Variants in CD226 observed in about 807,000 individuals in gnomAD.
CD226 encodes CD226 antigen.
CD226 carries 24 observed loss-of-function variants against 34.9 expected under a neutral mutation model. That is an observed-to-expected ratio of 0.69 (90% CI 0.50 to 0.97). The LOEUF is 0.97. Among genes scored for constraint, CD226 ranks in the 50% least tolerant of loss-of-function variants. The pLI is 0.00. For missense variants in CD226, 397 were observed against 412.7 expected, an observed-to-expected ratio of 0.96 and a Z score of 0.33; for synonymous variants, 148 against 147.4, an observed-to-expected ratio of 1.00 and a Z score of -0.03.
intron 3 of CD226, among the ~76,000 whole-genome samples, chr18:69,874,601 C>T (rs1325780347): frequency 1.3e-5 from 2 of 152,190 alleles, no homozygotes; most frequent in Non-Finnish European, 2.9e-5. Context: ...AATCCTATTG[C>T]AGCCTGAAAA....
chr18:69,854,758 C>T lies in CD226; in HGVS notation c.*9556G>A, dbSNP rs1346550006. The T allele has an allele frequency of 1.3e-5, 2 of 152,474 alleles. No individual in the cohort carries two copies. Among genetic ancestry groups the T allele is most frequent in the East Asian group, 1.9e-4 (1 of 5,184 alleles). 9.4% of individuals were successfully genotyped at this position (152,474 alleles called of 1,614,324 possible). A position where few individuals can be genotyped will look rare whatever the true frequency, so the allele number is the denominator to read the frequency against. ...GGAGAAGCTCTGTGAATGTCCCAGA[C>T]ACAGACCCACTAAAAGACTGAGATT... On this transcript the variant is annotated 3_prime_UTR_variant, in exon 6 of 6. Coordinates refer to ENST00000582621, the MANE Select transcript of CD226 (RefSeq NM_001303618.2).
At chr18:69,908,934 A>G (rs2055289658) in intron 2 of CD226, among the ~76,000 whole-genome samples, 1 of 152,244 alleles carries the variant, frequency 6.6e-6, no homozygotes, top group Non-Finnish European at 1.5e-5. Flanking sequence ...TTTATCCTTC[A>G]AAATTTATCC....
At chr18:69,944,590 C>T (rs1395953429) in intron 2 of CD226, 1 of 152,240 alleles carries the variant, frequency 6.6e-6, no homozygotes, top group East Asian at 1.9e-4. Context: ...ACCAAAACAG[C>T]TAATTTGGAA....
Position 69,947,700 on chromosome 18 carries a change from T to G in CD226, c.-294A>C, listed in dbSNP as rs1033959277. 3.7e-5 allele frequency: 10 copies of G among 273,270 alleles called. No homozygotes were observed. Among genetic ancestry groups the G allele is most frequent in the African/African-American group, 1.1e-4 (5 of 45,392 alleles). 16.9% of individuals were successfully genotyped at this position (273,270 alleles called of 1,614,324 possible). On this transcript the variant is annotated 5_prime_UTR_variant, in exon 1 of 6. Coordinates refer to ENST00000582621, the MANE Select transcript of CD226 (RefSeq NM_001303618.2). ...TTCAACAAACATGTGCTGCATGCAT[T>G]CTCTGTGCCTAACTCAGCTGTAGGC...
intron 4 of CD226, among the ~76,000 whole-genome samples, chr18:69,870,835 A>G (rs1983476440): frequency 6.6e-6 from 1 of 152,178 alleles, no homozygotes; most frequent in Admixed American, 6.5e-5. Context: ...CAGTCAGTAA[A>G]ACGGAGTTCA....
At chr18:69,925,708 C>T (rs938023265) in intron 2 of CD226, among the ~76,000 whole-genome samples, 4 of 152,164 alleles carry the variant, frequency 2.6e-5, no homozygotes, top group Admixed American at 6.5e-5. Flanking sequence ...TTCTGCCCAG[C>T]CTCCTTCACT....
At chr18:69,907,758 T>C (rs1454578982) in intron 2 of CD226, among the ~76,000 whole-genome samples, 1 of 152,154 alleles carries the variant, frequency 6.6e-6, no homozygotes, top group Non-Finnish European at 1.5e-5. Flanking sequence ...ACAGAAGACA[T>C]AGGATTCTTC....
chr18:69,869,786 T>C (rs1276065039), intron 4 of CD226, among the ~76,000 whole-genome samples: 6 of 148,176 alleles, frequency 4.0e-5, no homozygotes, highest in Admixed American at 1.4e-4. Flanking sequence ...GGATGAGAGA[T>C]TTTCTTTTTT....
Position 69,891,597 on chromosome 18 carries a change from C to T in CD226, c.727+4104G>A, listed in dbSNP as rs140379138. The stretch of plus-strand genomic sequence containing the variant: ...TATATGTATAAAACCCTAAAAGTGC[C>T]ACAAAAAAACCTGTTCAAACTAATA... On this transcript the variant is annotated intron_variant, in intron 3 of 5. Transcript: ENST00000582621. Among the ~76,000 whole-genome samples, 1,117 of 151,998 alleles carry T rather than the reference C, an allele frequency of 7.3e-3. 12 individuals carry two copies. Among genetic ancestry groups the T allele is most frequent in the African/African-American group, 0.026 (1,059 of 41,464 alleles).
chr18:69,883,805 A>G (rs1984405034), intron 3 of CD226, among the ~76,000 whole-genome samples: 1 of 152,270 alleles, frequency 6.6e-6, no homozygotes, highest in African/African-American at 2.4e-5. Context: ...TCAGTATTAA[A>G]AGGCAACCAA....
chr18:69,945,914 T>C (rs1401112180), intron 2 of CD226, among the ~76,000 whole-genome samples: 1 of 152,066 alleles, frequency 6.6e-6, no homozygotes, highest in African/African-American at 2.4e-5. Flanking sequence ...GGAACTCCTC[T>C]TTTTTAAACC....
intron 2 of CD226, among the ~76,000 whole-genome samples, chr18:69,910,178 T>C (rs2055306446): frequency 6.6e-6 from 1 of 152,204 alleles, no homozygotes; most frequent in Non-Finnish European, 1.5e-5. Flanking sequence ...AGTAGTTTTC[T>C]AAAGAAGGAG....
Position 69,917,025 on chromosome 18 carries a change from T to A in CD226, c.383-20980A>T, listed in dbSNP as rs573713415. Reference sequence around the variant, plus strand: ...CTTCCTCCTCCTTAATAGCCTTACATCTGCCTACTTCTCTGCTTTCCCACT... The same window carrying A: ...CTTCCTCCTCCTTAATAGCCTTACAACTGCCTACTTCTCTGCTTTCCCACT... On this transcript the variant is annotated intron_variant, in intron 2 of 5. Transcript: ENST00000582621. Among the ~76,000 whole-genome samples the A allele has an allele frequency of 1.1e-3, 170 of 152,262 alleles. 1 individual carries two copies. The highest frequency in any genetic ancestry group is 3.4e-3 in the Middle Eastern group (1 of 294).
chr18:69,917,158 A>T (rs2055396159), intron 2 of CD226, among the ~76,000 whole-genome samples: 1 of 152,200 alleles, frequency 6.6e-6, no homozygotes, highest in Admixed American at 6.5e-5. Flanking sequence ...TGTAAAACAG[A>T]TCTGGCCCTA....
chr18:69,870,447 G>A (rs1433869484), intron 4 of CD226, among the ~76,000 whole-genome samples: 1 of 150,562 alleles, frequency 6.6e-6, no homozygotes, highest in East Asian at 2.0e-4. Flanking sequence ...GCCAATTTTT[G>A]CAGTTTTAGT....
chr18:69,881,705 G>A (rs548094791), intron 3 of CD226, among the ~76,000 whole-genome samples: 11 of 152,050 alleles, frequency 7.2e-5, no homozygotes, highest in Admixed American at 3.9e-4. Context: ...TGAAGTAGTC[G>A]TGTACAGCAG....
At position 69,933,125 on chromosome 18, in the gene CD226, G is replaced by A. The variant is rs188222501; in HGVS notation, c.382+13609C>T. On this transcript the variant is annotated intron_variant, in intron 2 of 5. Coordinates refer to ENST00000582621, the MANE Select transcript of CD226 (RefSeq NM_001303618.2). ...GCCTCCCACTTTCTTGCCTGTTTTCGTGTCTCCTATCTGCCTGCTTTTGTG... is the reference window on the plus strand; with the variant it reads ...GCCTCCCACTTTCTTGCCTGTTTTCATGTCTCCTATCTGCCTGCTTTTGTG... Among the ~76,000 whole-genome samples, 802 of 152,160 alleles carry A rather than the reference G, an allele frequency of 5.3e-3. 7 individuals are homozygous for A. The highest frequency in any genetic ancestry group is 9.2e-3 in the Non-Finnish European group (623 of 68,010).
intron 2 of CD226, among the ~76,000 whole-genome samples, chr18:69,901,146 C>T (rs1027647101): frequency 1.8e-4 from 27 of 151,418 alleles, no homozygotes; most frequent in African/African-American, 5.1e-4. Flanking sequence ...ATGAAAAACT[C>T]AAGGTGACAA....
chr18:69,878,729 A>C (rs983796520), intron 3 of CD226, among the ~76,000 whole-genome samples: 5 of 152,134 alleles, frequency 3.3e-5, no homozygotes. Flanking sequence ...GAAAGAAAAC[A>C]TGTGGTTTTC....
Sources: allele counts gnomAD v4.1 joint callset (sites outside exome capture counted in the v4.1 genomes callset), GRCh38; gene constraint gnomAD v4.1.1; transcripts MANE v1.5; gene names NCBI Gene and HGNC (gene_info 2026-07-23, HGNC 2026-07-21).